Variants in PPP1R3B observed in about 807,000 individuals in gnomAD.
PPP1R3B encodes the protein protein phosphatase 1 regulatory subunit 3B.
PPP1R3B carries 8 observed loss-of-function variants against 14.6 expected under a neutral mutation model. That is an observed-to-expected ratio of 0.55 (90% CI 0.32 to 0.99). The LOEUF (loss-of-function observed/expected upper bound fraction) is 0.99, where lower values mean the gene tolerates loss of function less well. Among genes scored for constraint, PPP1R3B ranks in the 50% least tolerant of loss-of-function variants. The pLI is 0.04. For synonymous variants in PPP1R3B, 169 were observed against 142.0 expected, an observed-to-expected ratio of 1.19 and a Z score of -1.35; for missense variants, 452 against 360.1, an observed-to-expected ratio of 1.26 and a Z score of -2.07.
chr8:9,149,371 C>T (rs1054403404), intron 1 of PPP1R3B, among the ~76,000 whole-genome samples: 10 of 151,100 alleles, frequency 6.6e-5, no homozygotes, highest in South Asian at 2.1e-4. Flanking sequence ...GGCGTGGTGG[C>T]GGGCGCCTGT....
rs1801039349 is a variant in PPP1R3B at position 9,140,561 on chromosome 8, A to G, written c.*233T>C. 5.3e-6 allele frequency: 3 copies of G among 570,232 alleles called. No homozygotes were observed. The highest frequency in any genetic ancestry group is 6.2e-6 in the Non-Finnish European group (2 of 323,412). 35.3% of individuals were successfully genotyped at this position (570,232 alleles called of 1,614,324 possible). A position where few individuals can be genotyped will look rare whatever the true frequency, so the allele number is the denominator to read the frequency against. On this transcript the variant is annotated 3_prime_UTR_variant, in exon 2 of 2. Coordinates refer to ENST00000310455, the MANE Select transcript of PPP1R3B (RefSeq NM_024607.4). ...GTGCACAGACTCTCGTGGCTGCCAC[A>G]GTGCGAAAGCGCGCCAGCCACCACT... is the stretch of plus-strand genomic sequence containing the variant.
At chr8:9,147,195 C>T (rs565857706) in intron 1 of PPP1R3B, among the ~76,000 whole-genome samples, 146 of 152,140 alleles carry the variant, frequency 9.6e-4, no homozygotes, top group African/African-American at 2.0e-3. Context: ...TTAGTAGAGA[C>T]GGGGTTTCAC....
At chr8:9,143,077 C>A (rs1001271246) in intron 1 of PPP1R3B, among the ~76,000 whole-genome samples, 3 of 152,130 alleles carry the variant, frequency 2.0e-5, no homozygotes, top group Non-Finnish European at 2.9e-5. Flanking sequence ...TTTTGAGGAG[C>A]CTCCCTACTA....
chr8:9,143,457 C>G (rs749941848), intron 1 of PPP1R3B, among the ~76,000 whole-genome samples: 1 of 152,182 alleles, frequency 6.6e-6, no homozygotes, highest in Non-Finnish European at 1.5e-5. Context: ...AATCCCAACA[C>G]TTTGGGAGGC....
At chr8:9,150,482 G>C (rs1442711358) in intron 1 of PPP1R3B, 81 bp downstream of exon 1, 1 of 152,606 alleles carries the variant, frequency 6.6e-6, no homozygotes, top group Non-Finnish European at 1.5e-5. Flanking sequence ...CTCCGACTCT[G>C]TCCCCTCCGT....
rs1801015853 is a variant in PPP1R3B, at chr8:9,139,951, TG to T, written c.*842del. 2 of 152,194 alleles carry T rather than the reference TG, an allele frequency of 1.3e-5. No individual in the cohort carries two copies. Among genetic ancestry groups the T allele is most frequent in the Admixed American group, 6.5e-5 (1 of 15,276 alleles). The allele number at this position is 152,194 out of a possible 1,614,324, so 9.4% of individuals were successfully genotyped here. A position where few individuals can be genotyped will look rare whatever the true frequency, so the allele number is the denominator to read the frequency against. ...TTTTTCCGGTGACTCGGGGTAAATG[TG>T]GGGACTTAGAAAGCTCCCCCTAGAA... On this transcript the variant is annotated 3_prime_UTR_variant, in exon 2 of 2. Transcript: ENST00000310455.
chr8:9,144,779 C>T lies in PPP1R3B; in HGVS notation c.-17-3111G>A, dbSNP rs140095942. On this transcript the variant is annotated intron_variant, in intron 1 of 1. Coordinates refer to ENST00000310455, the MANE Select transcript of PPP1R3B (RefSeq NM_024607.4). ...TCCTTTTTTGAGACAGAGTTTCACTCGTGTCACCCAGGCTGGAGTGCAATG... is the reference window on the plus strand; with the variant it reads ...TCCTTTTTTGAGACAGAGTTTCACTTGTGTCACCCAGGCTGGAGTGCAATG... Among the ~76,000 whole-genome samples, 108 of 152,164 alleles carry T rather than the reference C, an allele frequency of 7.1e-4. 1 individual carries two copies. In the East Asian group the frequency reaches 0.015, roughly 20 times the overall value.
chr8:9,141,463 C>G lies in PPP1R3B; in HGVS notation c.189G>C (p.Val63=), dbSNP rs1801084462. ...CCAGCCCCTGGTTGTCTGCGAAGGA[C>G]ACCCGCTTTTTCACCTTCTTCTCCT... ...AVQEKKVKKR[V]SFADNQGLAL... The change falls in exon 2 of 2, where the codon GTG becomes GTC. Residue 63 remains valine, a synonymous_variant. Coordinates refer to ENST00000310455, the MANE Select transcript of PPP1R3B (RefSeq NM_024607.4). The G allele has an allele frequency of 2.5e-6, 4 of 1,614,194 alleles. No individual in the cohort carries two copies. The highest frequency in any genetic ancestry group is 3.4e-6 in the Non-Finnish European group (4 of 1,180,022).
In PPP1R3B at chr8:9,141,485, T is replaced by C; in HGVS notation, c.167A>G (p.Glu56Gly). ...ASGMVAPAVQ[E>G]KKVKKRVSFA... ...GGACACCCGCTTTTTCACCTTCTTCTCCTGGACAGCCGGGGCCACCATTCC... is the reference window on the plus strand; with the variant it reads ...GGACACCCGCTTTTTCACCTTCTTCCCCTGGACAGCCGGGGCCACCATTCC... The change falls in exon 2 of 2, where the codon GAG (glutamate) becomes GGG (glycine). Residue 56 changes from glutamate to glycine, a missense_variant. Glu to Gly is a moderately conservative substitution (Grantham distance 98). Transcript: ENST00000310455. 2 of 1,614,142 alleles carry C rather than the reference T, an allele frequency of 1.2e-6. No individual in the cohort carries two copies. The highest frequency in any genetic ancestry group is 1.7e-6 in the Non-Finnish European group (2 of 1,180,018).
rs1800967236 is a variant in PPP1R3B, at chr8:9,138,524, A to T, written c.*2270T>A. 6.6e-6 allele frequency: 1 copy of T among 152,254 alleles called. No individual in the cohort carries two copies. Among genetic ancestry groups the T allele is most frequent in the African/African-American group, 2.4e-5 (1 of 41,452 alleles). 9.4% of individuals were successfully genotyped at this position (152,254 alleles called of 1,614,324 possible). A position where few individuals can be genotyped will look rare whatever the true frequency, so the allele number is the denominator to read the frequency against. Reference sequence around the variant, plus strand: ...AACAAAACAACAACAAAAACAACCTAACCCAACCACAAAACTCTAGGAGCC... The same window carrying T: ...AACAAAACAACAACAAAAACAACCTTACCCAACCACAAAACTCTAGGAGCC... On this transcript the variant is annotated 3_prime_UTR_variant, in exon 2 of 2. Coordinates refer to ENST00000310455, the MANE Select transcript of PPP1R3B (RefSeq NM_024607.4).
In PPP1R3B at chr8:9,141,257, T is replaced by C. The variant is rs757512759; in HGVS notation, c.395A>G (p.His132Arg). Residue 132 changes from histidine to arginine, a missense_variant, in exon 2 of 2, where the codon CAC becomes CGC. Physicochemically the swap from His to Arg is conservative, Grantham distance 29. Coordinates refer to ENST00000310455, the MANE Select transcript of PPP1R3B (RefSeq NM_024607.4). ...GAGCACACAGTTCTCAAGGCAGACGTGGTCGGCCTGAAGTCGATTTCTAAA... is the reference window on the plus strand; with the variant it reads ...GAGCACACAGTTCTCAAGGCAGACGCGGTCGGCCTGAAGTCGATTTCTAAA... The part of the protein sequence containing the change: ...LDFRNRLQAD[H>R]VCLENCVLKD... The C allele has an allele frequency of 3.1e-6, 5 of 1,614,194 alleles. No individual in the cohort carries two copies. Among genetic ancestry groups the C allele is most frequent in the Middle Eastern group, 1.6e-4 (1 of 6,062 alleles).
At position 9,140,366 on chromosome 8, in the gene PPP1R3B, C is replaced by T. The variant is rs565064822; in HGVS notation, c.*428G>A. 306 of 198,328 alleles carry T rather than the reference C, an allele frequency of 1.5e-3. No individual in the cohort carries two copies. Among genetic ancestry groups the T allele is most frequent in the Non-Finnish European group, 2.5e-3 (235 of 94,786 alleles). 12.3% of individuals were successfully genotyped at this position (198,328 alleles called of 1,614,324 possible). A position where few individuals can be genotyped will look rare whatever the true frequency, so the allele number is the denominator to read the frequency against. ...GGAAAGGCCTGGCTGGCAGAGAGCA[C>T]CCAAAGATGAACACAATGAACAGTG... On this transcript the variant is annotated 3_prime_UTR_variant, in exon 2 of 2. Transcript: ENST00000310455.
rs201747156 is a variant in PPP1R3B, at chr8:9,140,844, G to A, written c.808C>T (p.Pro270Ser). The A allele has an allele frequency of 3.3e-4, 537 of 1,614,110 alleles. 4 individuals are homozygous for A. The South Asian group carries it at 5.6e-3, about 17-fold the overall frequency. ...TATCCTAAGTAACTTGGCCACTCTG[G>A]AAACAGACCATAGGAACACCGAGGG... ...GSPRCSYGLF[P>S]EWPSYLGYEK... Residue 270 changes from proline (P) to serine (S), a missense_variant, in exon 2 of 2, where the codon CCA becomes TCA. Transcript: ENST00000310455.
At chr8:9,146,357 C>T (rs1036537387) in intron 1 of PPP1R3B, among the ~76,000 whole-genome samples, 1 of 152,094 alleles carries the variant, frequency 6.6e-6, no homozygotes, top group Non-Finnish European at 1.5e-5. Flanking sequence ...TGTTGGGGAG[C>T]TCACTCTCAA....
chr8:9,136,469 GAAGT>G lies in PPP1R3B; in HGVS notation c.*4321_*4324del, dbSNP rs1445402873. ...GAGTCCTTGGTTCTACATTCACACT[GAAGT>G]AATAGTGAAACATCATCACAGCTGC... On this transcript the variant is annotated 3_prime_UTR_variant, in exon 2 of 2. Coordinates refer to ENST00000310455, the MANE Select transcript of PPP1R3B (RefSeq NM_024607.4). 1 of 152,208 alleles carries G rather than the reference GAAGT, an allele frequency of 6.6e-6. No individual in the cohort carries two copies. Among genetic ancestry groups the G allele is most frequent in the East Asian group, 1.9e-4 (1 of 5,198 alleles). The allele number at this position is 152,208 out of a possible 1,614,324, so 9.4% of individuals were successfully genotyped here. A position where few individuals can be genotyped will look rare whatever the true frequency, so the allele number is the denominator to read the frequency against.
At chr8:9,144,637 C>G (rs1190537926) in intron 1 of PPP1R3B, among the ~76,000 whole-genome samples, 1 of 152,108 alleles carries the variant, frequency 6.6e-6, no homozygotes, top group Non-Finnish European at 1.5e-5. Context: ...TGTTCAATGC[C>G]ACATTATAGG....
In PPP1R3B at chr8:9,141,314, T is replaced by C; in HGVS notation, c.338A>G (p.Asp113Gly). ...GTAATCTGCAGAGGGCTGGGAAAAA[T>C]CCAGAACAAAGCTCTCGCTCTCTGC... Reference protein sequence around the residue: ...TTAESESFVLDFSQPSADYLD... With the variant: ...TTAESESFVLGFSQPSADYLD... The change falls in exon 2 of 2, where the codon GAT (aspartate) becomes GGT (glycine). Residue 113 changes from aspartate to glycine, a missense_variant. Transcript: ENST00000310455. The C allele has an allele frequency of 6.2e-7, 1 of 1,614,104 alleles. No homozygotes were observed. The highest frequency in any genetic ancestry group is 8.5e-7 in the Non-Finnish European group (1 of 1,180,020).
rs1263892329 is a variant in PPP1R3B, at chr8:9,140,648, AGAAGT to A, written c.*141_*145del. On this transcript the variant is annotated 3_prime_UTR_variant, in exon 2 of 2. Coordinates refer to ENST00000310455, the MANE Select transcript of PPP1R3B (RefSeq NM_024607.4). ...CCTGGCTGGATTTGCTGTTTAAGAA[AGAAGT>A]GAAGAGGATCCTTTTATTTTCCCAA... The A allele has an allele frequency of 7.6e-6, 6 of 794,560 alleles. No individual in the cohort carries two copies. In the East Asian group the frequency reaches 1.6e-4, roughly 21 times the overall value. 49.2% of individuals were successfully genotyped at this position (794,560 alleles called of 1,614,324 possible).
Position 9,140,878 on chromosome 8 carries a change from C to T in PPP1R3B, c.774G>A (p.Gln258=). ...CATAGGAACACCGAGGGCTTCCGAACTGGTCAAAGGATATTCCCAAATCCG... is the reference window on the plus strand; with the variant it reads ...CATAGGAACACCGAGGGCTTCCGAATTGGTCAAAGGATATTCCCAAATCCG... The part of the protein sequence containing the change: ...SGPDLGISFD[Q]FGSPRCSYGL... Residue 258 remains glutamine (Q), a synonymous_variant, in exon 2 of 2, where the codon CAG becomes CAA. Coordinates refer to ENST00000310455, the MANE Select transcript of PPP1R3B (RefSeq NM_024607.4). 6.2e-7 allele frequency: 1 copy of T among 1,614,182 alleles called. No homozygotes were observed. Among genetic ancestry groups the T allele is most frequent in the African/African-American group, 1.3e-5 (1 of 75,036 alleles).
Sources: gnomAD v4.1 joint callset for allele counts (sites outside exome capture counted in the v4.1 genomes callset) on GRCh38, gnomAD v4.1.1 for gene constraint, MANE v1.5 for transcripts, NCBI Gene and HGNC (gene_info 2026-07-23, HGNC 2026-07-21) for gene names.